The following FOXK2 variants were observed in gnomAD, a reference collection of about 807,000 sequenced individuals.
The protein encoded by FOXK2 is forkhead box K2.
Under a neutral mutation model 53.3 loss-of-function variants are expected in FOXK2, and 24 were observed. The observed-to-expected ratio is 0.45, with a 90% CI of 0.33 to 0.63. The LOEUF (loss-of-function observed/expected upper bound fraction) is 0.63, where lower values mean the gene tolerates loss of function less well. Ranked by LOEUF, FOXK2 falls within the 30% of genes least tolerant of loss-of-function variation. The probability of loss-of-function intolerance (pLI) is 0.03; values close to 1 mark genes in which losing one functional copy is unlikely to be tolerated. For missense variants in FOXK2, 952 were observed against 910.5 expected, an observed-to-expected ratio of 1.05 and a Z score of -0.59; for synonymous variants, 505 against 407.1, an observed-to-expected ratio of 1.24 and a Z score of -2.89.
chr17:82,598,142 A>G (rs909311090), intron 8 of FOXK2, among the ~76,000 whole-genome samples: 8 of 146,026 alleles, frequency 5.5e-5, no homozygotes, highest in Non-Finnish European at 1.3e-4. Context: ...GACTCCCATC[A>G]TCTCGCAGTG....
chr17:82,597,940 G>A (rs1489491277), intron 8 of FOXK2, among the ~76,000 whole-genome samples: 22 of 152,088 alleles, frequency 1.4e-4, no homozygotes, highest in Non-Finnish European at 5.9e-5. Flanking sequence ...GTGAGCCACC[G>A]CGCCCGGCCT....
chr17:82,598,392 G>A (rs1228273636), intron 8 of FOXK2, among the ~76,000 whole-genome samples: 4 of 152,168 alleles, frequency 2.6e-5, no homozygotes, highest in South Asian at 2.1e-4. Context: ...CCTGGCCTAC[G>A]CCTCTTGTAT....
chr17:82,546,468 C>T (rs903461524), intron 1 of FOXK2, among the ~76,000 whole-genome samples: 10 of 152,068 alleles, frequency 6.6e-5, no homozygotes, highest in South Asian at 2.1e-4. Context: ...GTTCACCTCT[C>T]GGTGCAGCTC....
At chr17:82,600,363 C>G (rs926327161) in intron 8 of FOXK2, 1 of 152,288 alleles carries the variant, frequency 6.6e-6, no homozygotes, top group East Asian at 1.9e-4. Flanking sequence ...GTGGACCGAA[C>G]CCCGGGGAAA....
At chr17:82,579,019 G>T (rs1404910979) in intron 4 of FOXK2, among the ~76,000 whole-genome samples, 1 of 152,184 alleles carries the variant, frequency 6.6e-6, no homozygotes, top group African/African-American at 2.4e-5. Flanking sequence ...GTTGACTGTT[G>T]TCTGTTCTTC....
intron 4 of FOXK2, among the ~76,000 whole-genome samples, chr17:82,577,590 A>G (rs1408405014): frequency 1.3e-5 from 2 of 151,642 alleles, no homozygotes; most frequent in Admixed American, 1.3e-4. Flanking sequence ...ACTGCGGGCC[A>G]AGGTCTCGGT....
At chr17:82,551,907 TGGC>T (rs2044680791) in intron 1 of FOXK2, among the ~76,000 whole-genome samples, 1 of 152,158 alleles carries the variant, frequency 6.6e-6, no homozygotes, top group African/African-American at 2.4e-5. Context: ...TTCCTGGGCC[TGGC>T]ACGGTGCTCC....
At chr17:82,592,469 C>T (rs1443496088) in intron 8 of FOXK2, among the ~76,000 whole-genome samples, 2 of 152,262 alleles carry the variant, frequency 1.3e-5, no homozygotes, top group Non-Finnish European at 2.9e-5. Context: ...GGAGGAACCT[C>T]ATGAGGCCCT....
intron 1 of FOXK2, among the ~76,000 whole-genome samples, chr17:82,557,004 C>G (rs1415225072): frequency 7.0e-6 from 1 of 143,538 alleles, no homozygotes; most frequent in Non-Finnish European, 1.5e-5. Flanking sequence ...TGTCCAGCCT[C>G]TCTTTTATTT....
At chr17:82,555,908 A>G (rs2044720058) in intron 1 of FOXK2, among the ~76,000 whole-genome samples, 1 of 128,780 alleles carries the variant, frequency 7.8e-6, no homozygotes, top group Admixed American at 8.0e-5. Context: ...AAAAAAAAAA[A>G]AAAAAAAAGA....
At chr17:82,559,251 GT>G in intron 1 of FOXK2, 1 of 414,114 alleles carries the variant, frequency 2.4e-6, no homozygotes, top group South Asian at 1.7e-5. Context: ...GTGGAGTGCG[GT>G]TTTCCACTGA....
intron 8 of FOXK2, among the ~76,000 whole-genome samples, chr17:82,596,955 C>T (rs1157015110): frequency 6.6e-6 from 1 of 152,216 alleles, no homozygotes; most frequent in Non-Finnish European, 1.5e-5. Flanking sequence ...GTGGCGAGAG[C>T]CCCTTGTGCT....
chr17:82,598,146 C>T (rs570885639), intron 8 of FOXK2, among the ~76,000 whole-genome samples: 3 of 146,214 alleles, frequency 2.1e-5, no homozygotes, highest in Admixed American at 6.8e-5. Flanking sequence ...CCCATCATCT[C>T]GCAGTGCTGC....
intron 1 of FOXK2, among the ~76,000 whole-genome samples, chr17:82,527,705 A>G (rs2044432165): frequency 6.6e-6 from 1 of 152,222 alleles, no homozygotes; most frequent in African/African-American, 2.4e-5. Flanking sequence ...CATTGCAGCT[A>G]TTTTAGCATA....
In FOXK2 at chr17:82,586,550, GA is replaced by G. The variant is rs1481406469; in HGVS notation, c.1576+351del. On this transcript the variant is annotated intron_variant, in intron 7 of 8. Transcript: ENST00000335255. ...ACCACAGGGAGGTCAAAGGTAGGCGGAGGGGAAAGGAGGAGAGGCTGCCCCA... is the reference window on the plus strand; with the variant it reads ...ACCACAGGGAGGTCAAAGGTAGGCGGGGGGAAAGGAGGAGAGGCTGCCCCA... Among the ~76,000 whole-genome samples, 17 of 85,434 alleles carry G rather than the reference GA, an allele frequency of 2.0e-4. 4 individuals are homozygous for G. The highest frequency in any genetic ancestry group is 6.3e-4 in the African/African-American group (9 of 14,290). 56.0% of individuals were successfully genotyped at this position (85,434 alleles called of 152,430 possible).
intron 4 of FOXK2, among the ~76,000 whole-genome samples, chr17:82,573,560 T>TCACACACACACACA (rs1407940714): frequency 3.9e-5 from 4 of 101,806 alleles, no homozygotes; most frequent in African/African-American, 1.6e-4. Context: ...TCTCTCTCTC[T>TCACACACACACACA]CTCACACACA....
intron 3 of FOXK2, among the ~76,000 whole-genome samples, chr17:82,570,569 A>AT (rs1353917706): frequency 6.6e-6 from 1 of 152,178 alleles, no homozygotes; most frequent in Admixed American, 6.5e-5. Context: ...ATGGAAGCCC[A>AT]TGTGGGCGCC....
Position 82,587,230 on chromosome 17 carries a change from G to T in FOXK2, c.1744G>T (p.Val582Leu), listed in dbSNP as rs144638934. 2 of 1,613,068 alleles carry T rather than the reference G, an allele frequency of 1.2e-6. No individual in the cohort carries two copies. The highest frequency in any genetic ancestry group is 2.2e-5 in the South Asian group (2 of 91,084). ...IKTVTQNGTH[V>L]ASVPTAVHGQ... ...AACTGTAACACAAAACGGCACTCAC[G>T]TGGCATCAGTCCCCACTGCGGTCCA... Residue 582 changes from valine (V) to leucine (L), a missense_variant, in exon 8 of 9, where the codon GTG becomes TTG. Val to Leu is a conservative substitution (Grantham distance 32). This residue lies in a region of FOXK2 where 551 missense variants were observed against 385.1 expected (regional missense o/e 1.43). Coordinates refer to ENST00000335255, the MANE Select transcript of FOXK2 (RefSeq NM_004514.4).
intron 4 of FOXK2, among the ~76,000 whole-genome samples, chr17:82,576,364 G>A (rs549316018): frequency 5.0e-4 from 76 of 152,362 alleles, no homozygotes; most frequent in African/African-American, 1.7e-3. Flanking sequence ...TGACTCAGAA[G>A]CTCCTGAGAG....
Sources: allele counts gnomAD v4.1 joint callset (sites outside exome capture counted in the v4.1 genomes callset), GRCh38; gene constraint gnomAD v4.1.1; regional missense constraint gnomAD v4.1.1; transcripts MANE v1.5; gene names NCBI Gene and HGNC (gene_info 2026-07-23, HGNC 2026-07-21).